DAAM1: variants seen among roughly 807,000 people sequenced by gnomAD.
The protein encoded by DAAM1 is disheveled-associated activator of morphogenesis 1.
DAAM1 carries 52 observed loss-of-function variants against 130.0 expected under a neutral mutation model. The observed-to-expected ratio is 0.40, with a 90% confidence interval of 0.32 to 0.50. The LOEUF (loss-of-function observed/expected upper bound fraction) is 0.50. Among genes scored for constraint, DAAM1 ranks in the 20% least tolerant of loss-of-function variants. DAAM1 has a pLI of 0.61. For missense variants in DAAM1, 1,134 were observed against 1,303.8 expected (o/e 0.87, Z 2.01); for synonymous variants, 452 against 444.5 (o/e 1.02, Z -0.21).
chr14:59,305,862 G>A (rs1253911506), intron 3 of DAAM1, among the ~76,000 whole-genome samples: 1 of 152,140 alleles, frequency 6.6e-6, no homozygotes, highest in Non-Finnish European at 1.5e-5. Flanking sequence ...TTTCATTCAG[G>A]CCATTCAGAA....
In DAAM1 at chr14:59,368,933, C is replaced by A; in HGVS notation, c.*74C>A. 2 of 1,397,922 alleles carry A rather than the reference C, an allele frequency of 1.4e-6. No homozygotes were observed. Among genetic ancestry groups the A allele is most frequent in the Non-Finnish European group, 1.9e-6 (2 of 1,029,532 alleles). 86.6% of individuals were successfully genotyped at this position (1,397,922 alleles called of 1,614,324 possible). ...GTGACTAGAACGTTTCATTACACTGCCTTGCAATCCAAACAGTGGCAATTT... is the reference window on the plus strand; with the variant it reads ...GTGACTAGAACGTTTCATTACACTGACTTGCAATCCAAACAGTGGCAATTT... On this transcript the variant is annotated 3_prime_UTR_variant, in exon 25 of 25. Transcript: ENST00000360909.
intron 1 of DAAM1, among the ~76,000 whole-genome samples, chr14:59,253,741 GC>G (rs1218687481): frequency 6.6e-6 from 1 of 152,140 alleles, no homozygotes. Flanking sequence ...CTGGTTTGGG[GC>G]TGTGAGGGCT....
At chr14:59,342,661 G>C (rs969782343) in intron 16 of DAAM1, among the ~76,000 whole-genome samples, 2 of 152,160 alleles carry the variant, frequency 1.3e-5, no homozygotes, top group Non-Finnish European at 2.9e-5. Context: ...AGATAACGTT[G>C]CTGCCTTTGA....
At chr14:59,353,770 TGG>T in intron 18 of DAAM1, 104 bp from the exon 19 acceptor site, 1 of 917,104 alleles carries the variant, frequency 1.1e-6, no homozygotes, top group African/African-American at 1.7e-5. Flanking sequence ...GGGGAGTGGG[TGG>T]GTATTGGGGG....
At chr14:59,226,068 T>A (rs76786981) in intron 1 of DAAM1, among the ~76,000 whole-genome samples, 9,198 of 152,176 alleles carry the variant, frequency 0.06, 378 homozygotes, top group Non-Finnish European at 0.089. Context: ...TTTTTTTTTT[T>A]ATATTTGAGT....
intron 2 of DAAM1, among the ~76,000 whole-genome samples, chr14:59,290,711 C>A (rs1164192055): frequency 1.3e-5 from 2 of 152,196 alleles, no homozygotes; most frequent in African/African-American, 4.8e-5. Flanking sequence ...CCAGTGCTTC[C>A]TGTAAGCTGA....
chr14:59,231,588 C>G (rs77424787), intron 1 of DAAM1, among the ~76,000 whole-genome samples: 6,968 of 152,168 alleles, frequency 0.046, 529 homozygotes, highest in African/African-American at 0.16. Context: ...AGCCAGGGTT[C>G]AGATCTCAGT....
At chr14:59,222,920 G>A (rs974773728) in intron 1 of DAAM1, among the ~76,000 whole-genome samples, 8 of 152,210 alleles carry the variant, frequency 5.3e-5, no homozygotes, top group Non-Finnish European at 1.2e-4. Context: ...CAACCAGGTG[G>A]ACTGCTGAAG....
chr14:59,213,563 C>G (rs74059710), intron 1 of DAAM1, among the ~76,000 whole-genome samples: 1,635 of 152,238 alleles, frequency 0.011, 25 homozygotes, highest in African/African-American at 0.037. Flanking sequence ...CTGACACCAC[C>G]ACCAGCTGTG....
At chr14:59,305,132 G>A (rs1039189856) in intron 3 of DAAM1, among the ~76,000 whole-genome samples, 1 of 152,200 alleles carries the variant, frequency 6.6e-6, no homozygotes, top group African/African-American at 2.4e-5. Flanking sequence ...TTAGCGTTGT[G>A]TGTCCAAATA....
At chr14:59,279,062 T>A (rs901090340) in intron 2 of DAAM1, among the ~76,000 whole-genome samples, 6 of 152,310 alleles carry the variant, frequency 3.9e-5, no homozygotes, top group African/African-American at 1.4e-4. Context: ...TTTGACAGCT[T>A]TATTGAGGGA....
At chr14:59,339,118 G>A (rs980556467) in intron 15 of DAAM1, among the ~76,000 whole-genome samples, 2 of 152,178 alleles carry the variant, frequency 1.3e-5, no homozygotes, top group Non-Finnish European at 2.9e-5. Flanking sequence ...GACTTTAGAG[G>A]TACTACTTTA....
chr14:59,277,302 T>A (rs1883013401), intron 2 of DAAM1, among the ~76,000 whole-genome samples: 1 of 152,068 alleles, frequency 6.6e-6, no homozygotes, highest in South Asian at 2.1e-4. Flanking sequence ...TGTTTTCTGA[T>A]TTATGTAGGT....
intron 5 of DAAM1, 67 bp downstream of exon 5, chr14:59,320,651 A>C: frequency 8.5e-7 from 1 of 1,175,900 alleles, no homozygotes; most frequent in Non-Finnish European, 1.2e-6. Context: ...GCAATAGTCA[A>C]ACCTTCTAGG....
At chr14:59,253,025 T>G (rs1437606143) in intron 1 of DAAM1, among the ~76,000 whole-genome samples, 4 of 152,224 alleles carry the variant, frequency 2.6e-5, no homozygotes, top group Admixed American at 6.5e-5. Flanking sequence ...TAATCTTAGA[T>G]TTTTTCGTGT....
In DAAM1 at chr14:59,322,851, C is replaced by T. The variant is rs752154826; in HGVS notation, c.441-41C>T. 4 of 1,525,096 alleles carry T rather than the reference C, an allele frequency of 2.6e-6. No individual in the cohort carries two copies. In the Admixed American group the frequency reaches 5.6e-5, roughly 21 times the overall value. 94.5% of individuals were successfully genotyped at this position (1,525,096 alleles called of 1,614,324 possible). On this transcript the variant is annotated intron_variant, in intron 5 of 24. Coordinates refer to ENST00000360909, the MANE Select transcript of DAAM1 (RefSeq NM_001270520.2). The stretch of plus-strand genomic sequence containing the variant: ...TTTTCTGTTAGGGGCTATTATAAAA[C>T]CCAAAGGCACTTAAGCATGGTGCAT...
intron 2 of DAAM1, among the ~76,000 whole-genome samples, chr14:59,289,784 A>AT: frequency 3.9e-5 from 5 of 128,742 alleles, no homozygotes; most frequent in South Asian, 2.4e-4. Flanking sequence ...ATATATATAT[A>AT]ATGGAATGCT....
chr14:59,262,766 C>T (rs1032952542), intron 1 of DAAM1, among the ~76,000 whole-genome samples: 1 of 151,002 alleles, frequency 6.6e-6, no homozygotes, highest in Non-Finnish European at 1.5e-5. Flanking sequence ...ATTTCTGGCC[C>T]ATCTAGCTCA....
At chr14:59,327,727 A>G (rs1191822829) in intron 12 of DAAM1, among the ~76,000 whole-genome samples, 2 of 152,084 alleles carry the variant, frequency 1.3e-5, no homozygotes, top group African/African-American at 4.8e-5. Context: ...CAATAACCCA[A>G]TTCTGTCCAT....
Sources: allele counts gnomAD v4.1 joint callset (sites outside exome capture counted in the v4.1 genomes callset), GRCh38; gene constraint gnomAD v4.1.1; transcripts MANE v1.5; gene names NCBI Gene and HGNC (gene_info 2026-07-23, HGNC 2026-07-21).